The following ADAMTS12 variants were observed in gnomAD, a reference collection of about 807,000 sequenced individuals.
ADAMTS12 encodes the protein ADAM metallopeptidase with thrombospondin type 1 motif 12.
In ADAMTS12, 118 loss-of-function variants were observed where a neutral mutation model predicts 167.8. The observed-to-expected ratio is 0.70, with a 90% CI of 0.61 to 0.82. ADAMTS12 has a LOEUF of 0.82. Among genes scored for constraint, ADAMTS12 ranks in the 40% least tolerant of loss-of-function variants. The pLI, the probability that ADAMTS12 is intolerant of heterozygous loss-of-function variation, is 0.00. For synonymous variants in ADAMTS12, 704 were observed against 716.9 expected (o/e 0.98, Z 0.29); for missense variants, 1,916 against 1,998.8 (o/e 0.96, Z 0.79).
chr5:33,722,896 C>T (rs1743854810), intron 3 of ADAMTS12, among the ~76,000 whole-genome samples: 1 of 152,084 alleles, frequency 6.6e-6, no homozygotes, highest in Admixed American at 6.6e-5. Flanking sequence ...CAGGAGAGGG[C>T]TATGAGCAGA....
intron 2 of ADAMTS12, among the ~76,000 whole-genome samples, chr5:33,833,520 A>G (rs942638754): frequency 6.6e-6 from 1 of 151,122 alleles, no homozygotes; most frequent in Admixed American, 6.6e-5. Context: ...CTCTTCAAAA[A>G]CCTCCCTAGA....
chr5:33,713,185 T>C (rs1743467222), intron 3 of ADAMTS12, among the ~76,000 whole-genome samples: 1 of 152,120 alleles, frequency 6.6e-6, no homozygotes, highest in Non-Finnish European at 1.5e-5. Context: ...ATCAGTATTA[T>C]TAAAAGGGCC....
At chr5:33,802,340 T>C (rs949107030) in intron 2 of ADAMTS12, among the ~76,000 whole-genome samples, 3 of 152,210 alleles carry the variant, frequency 2.0e-5, no homozygotes, top group Non-Finnish European at 2.9e-5. Flanking sequence ...CTCAAACAAC[T>C]AAGCAAAGCT....
At chr5:33,851,398 C>A (rs949612376) in intron 2 of ADAMTS12, among the ~76,000 whole-genome samples, 2 of 151,926 alleles carry the variant, frequency 1.3e-5, no homozygotes, top group Non-Finnish European at 2.9e-5. Context: ...GGTGACACAG[C>A]GAGACTCCAT....
At chr5:33,837,471 C>G (rs113877144) in intron 2 of ADAMTS12, among the ~76,000 whole-genome samples, 2,688 of 152,292 alleles carry the variant, frequency 0.018, 80 homozygotes, top group African/African-American at 0.062. Flanking sequence ...CAGAAATAAA[C>G]AAATTCCTTT....
chr5:33,652,059 G>A (rs1740884693), intron 7 of ADAMTS12, among the ~76,000 whole-genome samples: 1 of 152,020 alleles, frequency 6.6e-6, no homozygotes, highest in Non-Finnish European at 1.5e-5. Flanking sequence ...TCCTGACTTT[G>A]CCATTGTGAA....
At chr5:33,786,040 A>G (rs902703854) in intron 2 of ADAMTS12, among the ~76,000 whole-genome samples, 2 of 152,240 alleles carry the variant, frequency 1.3e-5, no homozygotes, top group Non-Finnish European at 2.9e-5. Context: ...AATATTATGC[A>G]AAGTGAAAGA....
intron 5 of ADAMTS12, among the ~76,000 whole-genome samples, chr5:33,676,535 A>G (rs1213947912): frequency 1.3e-5 from 2 of 151,322 alleles, no homozygotes; most frequent in African/African-American, 4.9e-5. Context: ...TAAAAAAAAA[A>G]TAGCTAGGCA....
At chr5:33,706,939 G>A (rs927093345) in intron 3 of ADAMTS12, among the ~76,000 whole-genome samples, 4 of 152,140 alleles carry the variant, frequency 2.6e-5, no homozygotes, top group African/African-American at 4.8e-5. Context: ...GCATAGTATT[G>A]GAAGTTCTGG....
intron 15 of ADAMTS12, among the ~76,000 whole-genome samples, chr5:33,614,796 T>C (rs1419929226): frequency 6.6e-6 from 1 of 152,226 alleles, no homozygotes; most frequent in Non-Finnish European, 1.5e-5. Flanking sequence ...TTTGCCCATA[T>C]ACAAAGTGGG....
intron 19 of ADAMTS12, among the ~76,000 whole-genome samples, chr5:33,564,685 T>A (rs1745925112): frequency 6.6e-6 from 1 of 152,196 alleles, no homozygotes; most frequent in Non-Finnish European, 1.5e-5. Context: ...ACCATTGGCA[T>A]TTGGGACTCA....
chr5:33,531,587 G>T (rs543414460), intron 23 of ADAMTS12, among the ~76,000 whole-genome samples: 1 of 152,318 alleles, frequency 6.6e-6, no homozygotes, highest in East Asian at 1.9e-4. Flanking sequence ...TAGCTCCCAA[G>T]CTTTGTCTCT....
At chr5:33,634,246 A>G (rs1304318350) in intron 12 of ADAMTS12, among the ~76,000 whole-genome samples, 1 of 152,158 alleles carries the variant, frequency 6.6e-6, no homozygotes, top group African/African-American at 2.4e-5. Flanking sequence ...TCTAAAATCC[A>G]TTCACAGGCA....
At chr5:33,766,339 GA>G (rs944131663) in intron 2 of ADAMTS12, among the ~76,000 whole-genome samples, 6 of 152,016 alleles carry the variant, frequency 3.9e-5, no homozygotes, top group African/African-American at 1.2e-4. Context: ...CTAACCATGA[GA>G]AAAACATTGG....
At chr5:33,641,104 A>C (rs1398307015) in intron 11 of ADAMTS12, among the ~76,000 whole-genome samples, 1 of 151,976 alleles carries the variant, frequency 6.6e-6, no homozygotes, top group Admixed American at 6.6e-5. Flanking sequence ...TACTTGGGAG[A>C]CAGTATATCA....
At chr5:33,768,341 C>T (rs182789153) in intron 2 of ADAMTS12, among the ~76,000 whole-genome samples, 2 of 152,254 alleles carry the variant, frequency 1.3e-5, no homozygotes, top group East Asian at 1.9e-4. Flanking sequence ...TTTTTTAATA[C>T]CTCTGCTAGC....
intron 2 of ADAMTS12, among the ~76,000 whole-genome samples, chr5:33,789,184 C>A (rs919950320): frequency 5.3e-5 from 8 of 152,206 alleles, no homozygotes; most frequent in African/African-American, 1.7e-4. Flanking sequence ...AGGTCTCTCA[C>A]ACACACTCAG....
intron 2 of ADAMTS12, among the ~76,000 whole-genome samples, chr5:33,779,470 G>A (rs1433592209): frequency 6.6e-6 from 1 of 152,188 alleles, no homozygotes; most frequent in Admixed American, 6.5e-5. Flanking sequence ...ACAGGCATGA[G>A]CCGTCGCATT....
chr5:33,796,109 T>G (rs576162393), intron 2 of ADAMTS12, among the ~76,000 whole-genome samples: 1 of 152,204 alleles, frequency 6.6e-6, no homozygotes, highest in South Asian at 2.1e-4. Flanking sequence ...AATAGGACAA[T>G]AGATCATGGC....
Sources: gnomAD v4.1 joint callset for allele counts (sites outside exome capture counted in the v4.1 genomes callset) on GRCh38, gnomAD v4.1.1 for gene constraint, MANE v1.5 for transcripts, NCBI Gene and HGNC (gene_info 2026-07-23, HGNC 2026-07-21) for gene names.